The following TMTC1 variants were observed in gnomAD, a reference collection of about 807,000 sequenced individuals.
TMTC1 encodes the protein transmembrane O-mannosyltransferase targeting cadherins 1.
In TMTC1, 73 loss-of-function variants were observed where a neutral mutation model predicts 104.8. The ratio of observed to expected loss-of-function variants is 0.70; its 90% confidence interval spans 0.58 to 0.85. TMTC1 has a LOEUF of 0.85. TMTC1 is among the 40% of genes least tolerant of loss of function. The pLI is 0.00. For synonymous variants in TMTC1, 434 were observed against 428.7 expected, an observed-to-expected ratio of 1.01 and a Z score of -0.15; for missense variants, 1,035 against 1,096.1, an observed-to-expected ratio of 0.94 and a Z score of 0.79.
intron 3 of TMTC1, among the ~76,000 whole-genome samples, chr12:29,758,183 T>C (rs1363861444): frequency 6.6e-6 from 1 of 152,112 alleles, no homozygotes; most frequent in Admixed American, 6.6e-5. Context: ...GGCTTTTCAG[T>C]TTCCCAATGC....
chr12:29,614,992 T>C (rs1430477850), intron 6 of TMTC1, among the ~76,000 whole-genome samples: 1 of 152,204 alleles, frequency 6.6e-6, no homozygotes, highest in African/African-American at 2.4e-5. Flanking sequence ...TGTGGTGGAC[T>C]GGAATGGAGA....
At chr12:29,688,600 T>A (rs575569373) in intron 5 of TMTC1, among the ~76,000 whole-genome samples, 14 of 152,292 alleles carry the variant, frequency 9.2e-5, no homozygotes, top group African/African-American at 3.4e-4. Flanking sequence ...AAGTCAGGAA[T>A]GTCTAATCTG....
At chr12:29,763,868 G>A (rs770938698) in intron 2 of TMTC1, among the ~76,000 whole-genome samples, 5 of 152,178 alleles carry the variant, frequency 3.3e-5, no homozygotes, top group Admixed American at 6.5e-5. Context: ...GATACATGGT[G>A]TGCTTCTGGA....
chr12:29,664,135 C>G (rs1042291008), intron 5 of TMTC1, among the ~76,000 whole-genome samples: 1 of 149,200 alleles, frequency 6.7e-6, no homozygotes, highest in East Asian at 2.0e-4. Context: ...TGCAGTGAGC[C>G]GAGATCCCGC....
intron 5 of TMTC1, among the ~76,000 whole-genome samples, chr12:29,674,299 G>C (rs1418628461): frequency 7.9e-6 from 1 of 126,158 alleles, no homozygotes; most frequent in Non-Finnish European, 1.7e-5. Flanking sequence ...GATGATATAT[G>C]CAAGTGTCTC....
At chr12:29,564,377 T>C (rs1260521585) in intron 9 of TMTC1, among the ~76,000 whole-genome samples, 2 of 151,920 alleles carry the variant, frequency 1.3e-5, no homozygotes, top group Non-Finnish European at 2.9e-5. Flanking sequence ...GAACAAGATG[T>C]AGGGAAGGAG....
chr12:29,578,219 T>TA (rs1945877298), intron 8 of TMTC1, among the ~76,000 whole-genome samples: 1 of 152,016 alleles, frequency 6.6e-6, no homozygotes, highest in Non-Finnish European at 1.5e-5. Flanking sequence ...GTGGAGTCAC[T>TA]AAAATCCTAA....
rs1232105676 is a variant in TMTC1 at position 29,520,717 on chromosome 12, G to A, written c.1789C>T (p.Arg597Trp). Residue 597 changes from arginine to tryptophan, a missense_variant, in exon 12 of 18, where the codon CGG (arginine) becomes TGG (tryptophan). Transcript: ENST00000539277. ...TATATTTCTTCAGCTTCTTTAAACCGCTCCTTTAAAAAGAAAGAAACAAAC... is the reference window on the plus strand; with the variant it reads ...TATATTTCTTCAGCTTCTTTAAACCACTCCTTTAAAAAGAAAGAAACAAAC... The part of the protein sequence containing the change: ...SLASLLAEQE[R>W]FKEAEEIYQT... 14 of 1,606,186 alleles carry A rather than the reference G, an allele frequency of 8.7e-6. 1 individual carries two copies. Among genetic ancestry groups the A allele is most frequent in the South Asian group, 3.3e-5 (3 of 89,704 alleles).
chr12:29,763,497 A>C (rs1464071300), intron 2 of TMTC1, among the ~76,000 whole-genome samples: 1 of 152,226 alleles, frequency 6.6e-6, no homozygotes, highest in Non-Finnish European at 1.5e-5. Flanking sequence ...ACATTTTCCA[A>C]GTGCTTCCTC....
intron 5 of TMTC1, among the ~76,000 whole-genome samples, chr12:29,660,563 G>T (rs1313886477): frequency 6.6e-6 from 1 of 152,096 alleles, no homozygotes. Flanking sequence ...GGGACTCATA[G>T]AATACTGCAG....
At chr12:29,633,607 A>G (rs1420769592) in intron 5 of TMTC1, among the ~76,000 whole-genome samples, 2 of 152,224 alleles carry the variant, frequency 1.3e-5, no homozygotes, top group Non-Finnish European at 2.9e-5. Context: ...TTTTAAAATT[A>G]TCATACAAAT....
At chr12:29,608,545 C>A (rs895559249) in intron 6 of TMTC1, among the ~76,000 whole-genome samples, 1 of 152,138 alleles carries the variant, frequency 6.6e-6, no homozygotes, top group Non-Finnish European at 1.5e-5. Context: ...CTTCTCTGAG[C>A]TTTAATTTGG....
chr12:29,581,450 A>T (rs1176256560), intron 8 of TMTC1, among the ~76,000 whole-genome samples: 1 of 152,248 alleles, frequency 6.6e-6, no homozygotes, highest in Non-Finnish European at 1.5e-5. Context: ...AATCTCTTTA[A>T]GCACGAATGT....
chr12:29,754,735 C>T (rs767054395), intron 4 of TMTC1, among the ~76,000 whole-genome samples: 1 of 152,076 alleles, frequency 6.6e-6, no homozygotes, highest in Non-Finnish European at 1.5e-5. Flanking sequence ...CTGAGATTTA[C>T]CGAGAGCCAA....
chr12:29,596,089 C>T (rs1946396986), intron 7 of TMTC1, among the ~76,000 whole-genome samples: 1 of 152,116 alleles, frequency 6.6e-6, no homozygotes, highest in Non-Finnish European at 1.5e-5. Context: ...TCACTGCAAC[C>T]TCCATCTCCT....
chr12:29,747,597 A>G (rs1040367854), intron 5 of TMTC1, among the ~76,000 whole-genome samples: 1 of 152,200 alleles, frequency 6.6e-6, no homozygotes, highest in Admixed American at 6.5e-5. Context: ...TTGAAGTTGA[A>G]CAACAACAAA....
intron 11 of TMTC1, among the ~76,000 whole-genome samples, chr12:29,524,805 G>T (rs2136170709): frequency 6.6e-6 from 1 of 152,306 alleles, no homozygotes; most frequent in South Asian, 2.1e-4. Context: ...CCAGGCATAA[G>T]ACTGTCAATG....
intron 5 of TMTC1, chr12:29,660,865 T>C (rs1299206064): frequency 4.6e-6 from 7 of 1,506,724 alleles, no homozygotes; most frequent in Admixed American, 4.1e-5. Flanking sequence ...GAAATTTCTA[T>C]TGCTGCTTGC....
rs144543624 is a variant in TMTC1 at position 29,597,393 on chromosome 12, C to T, written c.1250+6785G>A. 9.9e-3 allele frequency among the ~76,000 whole-genome samples: 1,501 copies of T among 151,870 alleles called. 19 individuals carry two copies. The highest frequency in any genetic ancestry group is 0.032 in the African/African-American group (1,317 of 41,438). On this transcript the variant is annotated intron_variant, in intron 7 of 17. Coordinates refer to ENST00000539277, the MANE Select transcript of TMTC1 (RefSeq NM_001193451.2). ...CCTGGCCAGTCCATGTGAACGTCTA[C>T]GCATCACCTGTTCCTGCTGCTTATG...
Sources: gnomAD v4.1 joint callset for allele counts (sites outside exome capture counted in the v4.1 genomes callset) on GRCh38, gnomAD v4.1.1 for gene constraint, MANE v1.5 for transcripts, NCBI Gene and HGNC (gene_info 2026-07-23, HGNC 2026-07-21) for gene names.